TRDN: variants seen among roughly 807,000 people sequenced by gnomAD.
TRDN encodes triadin.
TRDN carries 161 observed loss-of-function variants against 149.7 expected under a neutral mutation model. The observed-to-expected ratio is 1.08, with a 90% CI of 0.95 to 1.23. The LOEUF is 1.23. Ranked by LOEUF, TRDN falls within the 50% of genes most tolerant of loss-of-function variation. The pLI is 0.00. For missense variants in TRDN, 896 were observed against 823.5 expected, an observed-to-expected ratio of 1.09 and a Z score of -1.08; for synonymous variants, 294 against 250.5, an observed-to-expected ratio of 1.17 and a Z score of -1.64.
intron 3 of TRDN, 104 bp from the exon 4 acceptor site, chr6:123,547,476 T>G: frequency 3.0e-6 from 2 of 677,790 alleles, no homozygotes; most frequent in Non-Finnish European, 4.5e-6. Flanking sequence ...ATCTATTAGT[T>G]TTAACAATCA....
intron 38 of TRDN, among the ~76,000 whole-genome samples, chr6:123,244,895 T>C (rs548162498): frequency 6.6e-6 from 1 of 152,302 alleles, no homozygotes; most frequent in Non-Finnish European, 1.5e-5. Context: ...ACAGCAGATC[T>C]CTCTGCAGAA....
chr6:123,473,460 A>G (rs1453906165), intron 9 of TRDN, among the ~76,000 whole-genome samples: 4 of 151,930 alleles, frequency 2.6e-5, no homozygotes, highest in Admixed American at 6.6e-5. Flanking sequence ...GACCAAATCT[A>G]CGTCTGATTG....
chr6:123,433,182 T>TATACAC (rs1562310492), intron 12 of TRDN, among the ~76,000 whole-genome samples: 50 of 143,360 alleles, frequency 3.5e-4, no homozygotes, highest in African/African-American at 1.3e-3. Context: ...TATATATATA[T>TATACAC]ACATCACACA....
chr6:123,535,590 G>T (rs1346338666), intron 4 of TRDN, among the ~76,000 whole-genome samples: 2 of 152,218 alleles, frequency 1.3e-5, no homozygotes, highest in African/African-American at 4.8e-5. Flanking sequence ...GGAACTCAGA[G>T]AATTTAAACT....
intron 20 of TRDN, among the ~76,000 whole-genome samples, chr6:123,358,104 TCTATAC>T (rs1780753463): frequency 6.6e-6 from 1 of 152,198 alleles, no homozygotes; most frequent in Non-Finnish European, 1.5e-5. Flanking sequence ...AGTTTCTCTT[TCTATAC>T]CACAAGATAT....
chr6:123,465,775 T>C (rs943540328), intron 9 of TRDN, among the ~76,000 whole-genome samples: 4 of 152,206 alleles, frequency 2.6e-5, no homozygotes, highest in African/African-American at 9.6e-5. Flanking sequence ...TTTCATTCCA[T>C]AAACTTCTGC....
Position 123,255,900 on chromosome 6 carries a change from T to C in TRDN, c.1873A>G (p.Lys625Glu). The C allele has an allele frequency of 7.6e-7, 1 of 1,313,200 alleles. No individual in the cohort carries two copies. The highest frequency in any genetic ancestry group is 1.6e-5 in the African/African-American group (1 of 64,316). 81.3% of individuals were successfully genotyped at this position (1,313,200 alleles called of 1,614,324 possible). ...TEISEKESKE[K>E]ADMKHLREEK... is the part of the protein sequence containing the mutation. The stretch of plus-strand genomic sequence containing the variant: ...TCTCTAAGATGCTTCATGTCTGCTT[T>C]TTCTGTATAGAAGAAACAGTAACAG... Residue 625 changes from lysine to glutamate, a missense_variant and splice_region_variant, in exon 36 of 41, where the codon AAA (lysine) becomes GAA (glutamate). Transcript: ENST00000334268.
At chr6:123,222,582 GTGT>G (rs1353646439) in intron 39 of TRDN, among the ~76,000 whole-genome samples, 1 of 151,760 alleles carries the variant, frequency 6.6e-6, no homozygotes, top group Non-Finnish European at 1.5e-5. Flanking sequence ...TGACCTGTGT[GTGT>G]TTTCTCAAAG....
chr6:123,551,329 T>G (rs1173606143), intron 2 of TRDN, among the ~76,000 whole-genome samples: 1 of 133,940 alleles, frequency 7.5e-6, no homozygotes, highest in Non-Finnish European at 1.6e-5. Flanking sequence ...GACCACTTCT[T>G]CCAAAACCTA....
Position 123,218,616 on chromosome 6 carries a change from C to T in TRDN, c.2175G>A (p.Lys725=), listed in dbSNP as rs1562214869. The T allele has an allele frequency of 1.2e-6, 2 of 1,611,532 alleles. No homozygotes were observed. Among genetic ancestry groups the T allele is most frequent in the Non-Finnish European group, 1.7e-6 (2 of 1,178,502 alleles). The change falls in exon 41 of 41, where the codon AAG becomes AAA. Residue 725 remains lysine (K), a synonymous_variant. Coordinates refer to ENST00000334268, the MANE Select transcript of TRDN (RefSeq NM_006073.4). ...SSGQANSPGQ[K]QQGQ ...ACATGTGTGTTTACTGTCCTTGTTG[C>T]TTCTGTCCTGGAGAATTTGCTTGAC...
intron 1 of TRDN, among the ~76,000 whole-genome samples, chr6:123,616,982 A>G (rs1372585327): frequency 6.6e-6 from 1 of 152,208 alleles, no homozygotes; most frequent in Non-Finnish European, 1.5e-5. Flanking sequence ...GCAAATATAA[A>G]AGAAAGACAT....
At chr6:123,480,163 A>G (rs1211094788) in intron 9 of TRDN, among the ~76,000 whole-genome samples, 1 of 151,526 alleles carries the variant, frequency 6.6e-6, no homozygotes, top group Non-Finnish European at 1.5e-5. Context: ...TATTTAAAAT[A>G]TTAGATTTAT....
At chr6:123,594,388 G>T (rs1388146712) in intron 1 of TRDN, among the ~76,000 whole-genome samples, 1 of 151,798 alleles carries the variant, frequency 6.6e-6, no homozygotes, top group Non-Finnish European at 1.5e-5. Flanking sequence ...CCAGACCAAG[G>T]CACTAACTCT....
rs1291820294 is a variant in TRDN at position 123,255,082 on chromosome 6, T to C, written c.1950A>G (p.Lys650=). The C allele has an allele frequency of 1.5e-6, 2 of 1,376,376 alleles. No individual in the cohort carries two copies. The highest frequency in any genetic ancestry group is 2.1e-5 in the Admixed American group (1 of 47,670). 85.3% of individuals were successfully genotyped at this position (1,376,376 alleles called of 1,614,324 possible). Residue 650 remains lysine, a splice_region_variant and synonymous_variant, in exon 37 of 41, where the codon AAA becomes AAG. Coordinates refer to ENST00000334268, the MANE Select transcript of TRDN (RefSeq NM_006073.4). ...AGTAGTTACGTAATTCAAGATTACC[T>C]TTTGTCACATTGTGTAATTGAAGAC... The part of the protein sequence containing the change: ...KESLQLHNVT[K]AEKPARVSKD...
chr6:123,488,639 T>C (rs928760530), intron 9 of TRDN: 2 of 152,112 alleles, frequency 1.3e-5, no homozygotes, highest in African/African-American at 4.8e-5. Context: ...TTTCCTTTCG[T>C]TGGACTTTTC....
intron 13 of TRDN, among the ~76,000 whole-genome samples, chr6:123,390,666 C>T (rs1027213103): frequency 2.0e-5 from 3 of 152,052 alleles, no homozygotes; most frequent in South Asian, 4.1e-4. Flanking sequence ...GTTTCTAGAA[C>T]GGTTTTGTAG....
intron 9 of TRDN, 29 bp from the exon 10 acceptor site, chr6:123,465,012 A>G (rs1304892255): frequency 3.2e-6 from 5 of 1,548,584 alleles, no homozygotes; most frequent in Admixed American, 2.0e-5. Context: ...GGAATTGGAA[A>G]AAAAAAAGTA....
intron 1 of TRDN, among the ~76,000 whole-genome samples, chr6:123,612,055 T>C (rs1228512443): frequency 6.7e-6 from 1 of 149,582 alleles, no homozygotes; most frequent in Non-Finnish European, 1.5e-5. Context: ...AAACAAAGAG[T>C]CTCTATAAAG....
At chr6:123,568,804 A>T (rs1023242331) in intron 2 of TRDN, among the ~76,000 whole-genome samples, 2 of 152,210 alleles carry the variant, frequency 1.3e-5, no homozygotes, top group Non-Finnish European at 2.9e-5. Context: ...TATGATGGGA[A>T]AGACTGTTGC....
Sources: gnomAD v4.1 joint callset for allele counts (sites outside exome capture counted in the v4.1 genomes callset) on GRCh38, gnomAD v4.1.1 for gene constraint, MANE v1.5 for transcripts, NCBI Gene and HGNC (gene_info 2026-07-23, HGNC 2026-07-21) for gene names.